OLA1: variants seen among roughly 807,000 people sequenced by gnomAD.
The protein encoded by OLA1 is obg-like ATPase 1.
Under a neutral mutation model 48.4 loss-of-function variants are expected in OLA1, and 14 were observed. That is an observed-to-expected ratio of 0.29 (90% CI 0.19 to 0.45). The LOEUF (loss-of-function observed/expected upper bound fraction) is 0.45, where lower values mean the gene tolerates loss of function less well. Among genes scored for constraint, OLA1 ranks in the 20% least tolerant of loss-of-function variants. OLA1 has a pLI of 1.00. For missense variants in OLA1, 325 were observed against 467.1 expected (o/e 0.70, Z 2.80); for synonymous variants, 127 against 150.4 (o/e 0.84, Z 1.14).
chr2:174,241,597 C>T (rs1254519527), intron 2 of OLA1, among the ~76,000 whole-genome samples: 1 of 152,068 alleles, frequency 6.6e-6, no homozygotes, highest in Non-Finnish European at 1.5e-5. Context: ...ATACTAGTTG[C>T]CCATAATATC....
At chr2:174,153,784 C>A (rs770182581) in intron 4 of OLA1, among the ~76,000 whole-genome samples, 2 of 152,176 alleles carry the variant, frequency 1.3e-5, no homozygotes, top group Non-Finnish European at 2.9e-5. Flanking sequence ...AACTAGCATT[C>A]GGCTTTCAAC....
intron 7 of OLA1, among the ~76,000 whole-genome samples, chr2:174,122,471 TG>T (rs1381233490): frequency 6.6e-6 from 1 of 152,202 alleles, no homozygotes; most frequent in African/African-American, 2.4e-5. Flanking sequence ...TATTTTGCTT[TG>T]GATAGTTTTG....
At chr2:174,129,918 C>T (rs1452785552) in intron 5 of OLA1, among the ~76,000 whole-genome samples, 1 of 152,082 alleles carries the variant, frequency 6.6e-6, no homozygotes, top group East Asian at 1.9e-4. Context: ...AAACCTGTCA[C>T]CACAATTCTA....
chr2:174,097,071 G>A (rs1031353186), intron 7 of OLA1, among the ~76,000 whole-genome samples: 24 of 152,158 alleles, frequency 1.6e-4, no homozygotes, highest in Middle Eastern at 3.2e-3. Flanking sequence ...CAGGAGAATC[G>A]GTTGAAACCG....
At chr2:174,212,258 T>C (rs1235461720) in intron 4 of OLA1, among the ~76,000 whole-genome samples, 1 of 152,226 alleles carries the variant, frequency 6.6e-6, no homozygotes, top group Non-Finnish European at 1.5e-5. Context: ...CTGAAAGCAC[T>C]TGTAACACAA....
chr2:174,237,019 C>T (rs530137464), intron 2 of OLA1, among the ~76,000 whole-genome samples: 48 of 152,132 alleles, frequency 3.2e-4, no homozygotes, highest in African/African-American at 1.0e-3. Flanking sequence ...AATAAATTAG[C>T]CTTAGCTTAC....
In OLA1 at chr2:174,229,177, T is replaced by G. The variant is rs966742132; in HGVS notation, c.245+131A>C. On this transcript the variant is annotated intron_variant, in intron 3 of 10. Transcript: ENST00000284719. Reference sequence around the variant, plus strand: ...GTGTGAGCCACCGCACCCAGCCCTCTGCATGACTTTTATAATCACCCAAAA... The same window carrying G: ...GTGTGAGCCACCGCACCCAGCCCTCGGCATGACTTTTATAATCACCCAAAA... 3 of 956,304 alleles carry G rather than the reference T, an allele frequency of 3.1e-6. No homozygotes were observed. In the African/African-American group the frequency reaches 5.0e-5, roughly 16 times the overall value. The allele number at this position is 956,304 out of a possible 1,614,324, so 59.2% of individuals were successfully genotyped here.
intron 3 of OLA1, among the ~76,000 whole-genome samples, chr2:174,227,380 G>A (rs986576253): frequency 6.6e-6 from 1 of 152,094 alleles, no homozygotes; most frequent in African/African-American, 2.4e-5. Flanking sequence ...GGTAATATGG[G>A]GTCAGTGTTA....
chr2:174,083,719 CTT>C (rs1684909054), intron 7 of OLA1, among the ~76,000 whole-genome samples: 1 of 152,074 alleles, frequency 6.6e-6, no homozygotes, highest in African/African-American at 2.4e-5. Flanking sequence ...GGTTTAGTAA[CTT>C]ACTTTCATTA....
At position 174,165,848 on chromosome 2, in the gene OLA1, G is replaced by A. The variant is rs146167648; in HGVS notation, c.374-23848C>T. On this transcript the variant is annotated intron_variant, in intron 4 of 10. Transcript: ENST00000284719. ...TCATAACTCAAATGTCAGGCTGGGC[G>A]CAGTGGCTCACGCCTGTAATCCCAA... Among the ~76,000 whole-genome samples, 1,129 of 152,246 alleles carry A rather than the reference G, an allele frequency of 7.4e-3. 28 individuals are homozygous for A. The highest frequency in any genetic ancestry group is 0.036 in the East Asian group (185 of 5,178).
intron 2 of OLA1, 76 bp downstream of exon 2, chr2:174,246,639 T>C (rs753801100): frequency 9.6e-6 from 9 of 939,664 alleles, no homozygotes; most frequent in South Asian, 4.3e-5. Context: ...TTTAATTACC[T>C]CACGGTTCCC....
chr2:174,104,078 A>G (rs1028625297), intron 7 of OLA1, among the ~76,000 whole-genome samples: 1 of 151,988 alleles, frequency 6.6e-6, no homozygotes, highest in East Asian at 1.9e-4. Context: ...GAATTTTCCA[A>G]TGGTATTTTT....
intron 2 of OLA1, among the ~76,000 whole-genome samples, chr2:174,232,564 C>A (rs1421654254): frequency 1.3e-5 from 2 of 152,124 alleles, no homozygotes; most frequent in African/African-American, 4.8e-5. Context: ...CTGTTCTCAA[C>A]AGATTATTTC....
In OLA1 at chr2:174,075,228, T is replaced by TC. The variant is rs1224198381; in HGVS notation, c.*197dup. 1 of 487,202 alleles carries TC rather than the reference T, an allele frequency of 2.1e-6. No individual in the cohort carries two copies. Among genetic ancestry groups the TC allele is most frequent in the Non-Finnish European group, 3.6e-6 (1 of 276,926 alleles). 30.2% of individuals were successfully genotyped at this position (487,202 alleles called of 1,614,324 possible). A position where few individuals can be genotyped will look rare whatever the true frequency, so the allele number is the denominator to read the frequency against. ...TTAATCACGTGAAAAGCAAAGCTGT[T>TC]CACATTTAGTGAACCTGCATTTCAT... On this transcript the variant is annotated 3_prime_UTR_variant, in exon 11 of 11. Coordinates refer to ENST00000284719, the MANE Select transcript of OLA1 (RefSeq NM_013341.5).
chr2:174,175,140 A>C (rs1444413908), intron 4 of OLA1, among the ~76,000 whole-genome samples: 2 of 152,064 alleles, frequency 1.3e-5, no homozygotes, highest in African/African-American at 4.8e-5. Context: ...GTAAGAGCTA[A>C]AGTTATTTAA....
At chr2:174,076,376 C>A (rs1311329979) in intron 10 of OLA1, among the ~76,000 whole-genome samples, 1 of 152,164 alleles carries the variant, frequency 6.6e-6, no homozygotes, top group Non-Finnish European at 1.5e-5. Flanking sequence ...TCCCACATGA[C>A]CCCACCATCG....
At chr2:174,091,971 C>A (rs1685133302) in intron 7 of OLA1, among the ~76,000 whole-genome samples, 1 of 139,684 alleles carries the variant, frequency 7.2e-6, no homozygotes, top group African/African-American at 2.7e-5. Context: ...TTATTCATGG[C>A]ACTTATTATA....
rs188017154 is a variant in OLA1 at position 174,193,209 on chromosome 2, C to T, written c.373+29824G>A. Among the ~76,000 whole-genome samples the T allele has an allele frequency of 5.5e-4, 84 of 151,914 alleles. No homozygotes were observed. In the Middle Eastern group the frequency reaches 0.017, roughly 31 times the overall value. On this transcript the variant is annotated intron_variant, in intron 4 of 10. Coordinates refer to ENST00000284719, the MANE Select transcript of OLA1 (RefSeq NM_013341.5). The stretch of plus-strand genomic sequence containing the variant: ...GATTCAAGCGATTCTCGTGCCTCAG[C>T]TTCCCGAGTAGCTGGGATTATAGGC...
chr2:174,222,738 T>C (rs1270818965), intron 4 of OLA1, among the ~76,000 whole-genome samples: 1 of 152,204 alleles, frequency 6.6e-6, no homozygotes, highest in Non-Finnish European at 1.5e-5. Flanking sequence ...CAGAATGCCT[T>C]TACAATGAAC....
Sources: allele counts gnomAD v4.1 joint callset (sites outside exome capture counted in the v4.1 genomes callset), GRCh38; gene constraint gnomAD v4.1.1; transcripts MANE v1.5; gene names NCBI Gene and HGNC (gene_info 2026-07-23, HGNC 2026-07-21).